NRXN2: variants seen among roughly 807,000 people sequenced by gnomAD.
NRXN2 encodes neurexin 2.
Under a neutral mutation model 128.8 loss-of-function variants are expected in NRXN2, and 29 were observed. The observed-to-expected ratio is 0.23, with a 90% CI of 0.17 to 0.31. NRXN2 has a LOEUF of 0.31. Ranked by LOEUF, NRXN2 falls within the 10% of genes least tolerant of loss-of-function variation. NRXN2 has a pLI of 1.00. For synonymous variants in NRXN2, 1,098 were observed against 1,075.2 expected (o/e 1.02, Z -0.41); for missense variants, 1,881 against 2,452.6 (o/e 0.77, Z 4.92).
chr11:64,637,667 C>T (rs2044962864), intron 17 of NRXN2, among the ~76,000 whole-genome samples: 1 of 152,138 alleles, frequency 6.6e-6, no homozygotes, highest in Non-Finnish European at 1.5e-5. Flanking sequence ...CCTCTTCACC[C>T]CTGGGCTCCA....
At chr11:64,692,956 A>C in intron 3 of NRXN2, 80 bp from the exon 4 acceptor site, 1 of 1,210,810 alleles carries the variant, frequency 8.3e-7, no homozygotes, top group Non-Finnish European at 1.2e-6. Flanking sequence ...AAACAAAGAA[A>C]ACACGAGTCA....
At chr11:64,644,460 A>C (rs920442534) in intron 17 of NRXN2, among the ~76,000 whole-genome samples, 12 of 152,068 alleles carry the variant, frequency 7.9e-5, no homozygotes, top group African/African-American at 2.9e-4. Flanking sequence ...CCCATTTAGG[A>C]CAAAACCCTT....
intron 1 of NRXN2, among the ~76,000 whole-genome samples, chr11:64,716,398 GAT>G (rs757255413): frequency 5.3e-5 from 8 of 152,160 alleles, no homozygotes; most frequent in Non-Finnish European, 1.2e-4. Flanking sequence ...GGGGAGGACA[GAT>G]AGAGTGAAAG....
At chr11:64,685,400 G>A (rs1055182823) in intron 6 of NRXN2, among the ~76,000 whole-genome samples, 2 of 152,044 alleles carry the variant, frequency 1.3e-5, no homozygotes, top group Non-Finnish European at 2.9e-5. Flanking sequence ...TCCTTCCCCT[G>A]CCCTCAGGTT....
intron 2 of NRXN2, among the ~76,000 whole-genome samples, chr11:64,707,274 C>G (rs2056435811): frequency 6.6e-6 from 1 of 151,668 alleles, no homozygotes; most frequent in South Asian, 2.1e-4. Context: ...GTAGTCCCAG[C>G]TACTCAGGAG....
At chr11:64,642,297 C>G (rs1391976951) in intron 17 of NRXN2, among the ~76,000 whole-genome samples, 1 of 151,460 alleles carries the variant, frequency 6.6e-6, no homozygotes, top group Non-Finnish European at 1.5e-5. Context: ...TAGGTGAGGC[C>G]AGGAAGCAAA....
intron 2 of NRXN2, among the ~76,000 whole-genome samples, chr11:64,699,711 C>T (rs2055063641): frequency 6.6e-6 from 1 of 152,118 alleles, no homozygotes; most frequent in Non-Finnish European, 1.5e-5. Flanking sequence ...CAGTGCCCAG[C>T]AATAGTTTTC....
At chr11:64,628,224 C>T (rs190426260) in intron 19 of NRXN2, among the ~76,000 whole-genome samples, 8 of 152,314 alleles carry the variant, frequency 5.3e-5, no homozygotes, top group Admixed American at 3.3e-4. Flanking sequence ...TAGGTATCAT[C>T]ACCTTTCCGA....
intron 17 of NRXN2, among the ~76,000 whole-genome samples, chr11:64,636,231 A>T (rs2044694291): frequency 6.6e-6 from 1 of 151,846 alleles, no homozygotes; most frequent in Non-Finnish European, 1.5e-5. Context: ...GCCGGAGATG[A>T]AGGCTCCCTC....
rs1165142931 is a variant in NRXN2, at chr11:64,630,235, C to T, written c.3757+167G>A. Among the ~76,000 whole-genome samples the T allele has an allele frequency of 1.3e-5, 2 of 152,150 alleles. No homozygotes were observed. Among genetic ancestry groups the T allele is most frequent in the Non-Finnish European group, 2.9e-5 (2 of 68,014 alleles). On this transcript the variant is annotated intron_variant, in intron 19 of 22. Coordinates refer to ENST00000265459, the MANE Select transcript of NRXN2 (RefSeq NM_015080.4). This position sits in a 1 kb window ranked among gnomAD's most constrained non-coding sequence, Gnocchi z 4.6. ...AATCCCGACTTTTCCTAGCCACGCCCCTGCCCTAGTCCCGCCTCGCAAGCT... is the reference window on the plus strand; with the variant it reads ...AATCCCGACTTTTCCTAGCCACGCCTCTGCCCTAGTCCCGCCTCGCAAGCT...
chr11:64,612,186 T>C (rs1017823786), intron 22 of NRXN2, among the ~76,000 whole-genome samples: 10 of 151,366 alleles, frequency 6.6e-5, no homozygotes, highest in African/African-American at 2.4e-4. Context: ...TGGTGAGGAG[T>C]TGGCAGGACC....
chr11:64,628,492 G>A (rs71456321), intron 19 of NRXN2, among the ~76,000 whole-genome samples: 87 of 152,136 alleles, frequency 5.7e-4, no homozygotes, highest in Non-Finnish European at 7.9e-4. Context: ...CTTTACAGGC[G>A]GGGGCACCCA....
chr11:64,695,710 A>T (rs2054404576), intron 3 of NRXN2, among the ~76,000 whole-genome samples: 1 of 152,034 alleles, frequency 6.6e-6, no homozygotes, highest in South Asian at 2.1e-4. Context: ...TCAGACTCCT[A>T]GGTGTGTATA....
At chr11:64,620,466 TG>T in intron 21 of NRXN2, 94 bp from the exon 22 acceptor site, 1 of 952,746 alleles carries the variant, frequency 1.0e-6, no homozygotes, top group Non-Finnish European at 1.6e-6. Context: ...GCACGGGGGA[TG>T]CCCCTGGGCT....
At chr11:64,640,749 G>A (rs1465715507) in intron 17 of NRXN2, among the ~76,000 whole-genome samples, 2 of 152,166 alleles carry the variant, frequency 1.3e-5, no homozygotes, top group African/African-American at 2.4e-5. Flanking sequence ...AGGGAAACTG[G>A]ATGAAGAGAA....
At position 64,648,495 on chromosome 11, in the gene NRXN2, T is replaced by G. The variant is rs910900470; in HGVS notation, c.3284-157A>C. 2.0e-5 allele frequency among the ~76,000 whole-genome samples: 3 copies of G among 151,868 alleles called. No homozygotes were observed. The highest frequency in any genetic ancestry group is 6.6e-5 in the Admixed American group (1 of 15,246). On this transcript the variant is annotated intron_variant, in intron 16 of 22. Coordinates refer to ENST00000265459, the MANE Select transcript of NRXN2 (RefSeq NM_015080.4). The surrounding 1 kb of genome is among the most constrained non-coding windows in gnomAD (Gnocchi z 4.1). The stretch of plus-strand genomic sequence containing the variant: ...GATGACAGGGATTGGGGCAGGAGGG[T>G]CAGGTCTGCTAGGCTTGGCCTTGGA...
rs61394963 is a variant in NRXN2 at position 64,704,623 on chromosome 11, C to CAGAGAGAGAGAGAGAG, written c.731-6847_731-6832dup. On this transcript the variant is annotated intron_variant, in intron 2 of 22. Coordinates refer to ENST00000265459, the MANE Select transcript of NRXN2 (RefSeq NM_015080.4). ...TCACACACACACACACACACACACA[C>CAGAGAGAGAGAGAGAG]AGAGAGAGAGAGAGAGAGAGAGAGA... 3.5e-3 allele frequency among the ~76,000 whole-genome samples: 287 copies of CAGAGAGAGAGAGAGAG among 81,180 alleles called. 6 individuals carry two copies. Among genetic ancestry groups the CAGAGAGAGAGAGAGAG allele is most frequent in the Non-Finnish European group, 5.0e-3 (209 of 41,576 alleles). The allele number at this position is 81,180 out of a possible 152,430, so 53.3% of individuals were successfully genotyped here. A position where few individuals can be genotyped will look rare whatever the true frequency, so the allele number is the denominator to read the frequency against.
At chr11:64,658,983 C>A (rs2048649726) in intron 11 of NRXN2, among the ~76,000 whole-genome samples, 1 of 152,206 alleles carries the variant, frequency 6.6e-6, no homozygotes, top group Non-Finnish European at 1.5e-5. Flanking sequence ...CAGATCACGC[C>A]ACTGCACTCC....
In NRXN2 at chr11:64,606,962, C is replaced by T. The variant is rs2039724782; in HGVS notation, c.*234G>A. The T allele has an allele frequency of 1.8e-6, 1 of 568,650 alleles. No individual in the cohort carries two copies. Among genetic ancestry groups the T allele is most frequent in the East Asian group, 2.9e-5 (1 of 34,594 alleles). The allele number at this position is 568,650 out of a possible 1,614,324, so 35.2% of individuals were successfully genotyped here. On this transcript the variant is annotated 3_prime_UTR_variant, in exon 23 of 23. Coordinates refer to ENST00000265459, the MANE Select transcript of NRXN2 (RefSeq NM_015080.4). ...GTGAGCACGTGCCCTGCCTGGCAGG[C>T]GCAGAGCTGAGAGGGACAGTCAGCC...
Sources: gnomAD v4.1 joint callset for allele counts (sites outside exome capture counted in the v4.1 genomes callset) on GRCh38, gnomAD v4.1.1 for gene constraint, Gnocchi (gnomAD v3.1) non-coding constraint, MANE v1.5 for transcripts, NCBI Gene and HGNC (gene_info 2026-07-23, HGNC 2026-07-21) for gene names.